Variants in CUX2 observed in about 807,000 individuals in gnomAD.
CUX2 encodes the protein cut like homeobox 2.
CUX2 carries 40 observed loss-of-function variants against 144.8 expected under a neutral mutation model. That is an observed-to-expected ratio of 0.28 (90% CI 0.21 to 0.36). The LOEUF (loss-of-function observed/expected upper bound fraction) is 0.36. CUX2 is among the 10% of genes least tolerant of loss of function. The pLI is 1.00. For missense variants in CUX2, 1,615 were observed against 1,994.0 expected (o/e 0.81, Z 3.62); for synonymous variants, 827 against 875.6 (o/e 0.94, Z 0.98).
intron 1 of CUX2, among the ~76,000 whole-genome samples, chr12:111,093,031 G>A (rs547115882): frequency 6.6e-6 from 1 of 152,048 alleles, no homozygotes; most frequent in African/African-American, 2.4e-5. Context: ...GCCCAGGCTG[G>A]TCTCGAATTC....
At chr12:111,142,040 C>T (rs995800156) in intron 1 of CUX2, among the ~76,000 whole-genome samples, 7 of 152,054 alleles carry the variant, frequency 4.6e-5, no homozygotes, top group Admixed American at 6.6e-5. Flanking sequence ...GCCAAGATCA[C>T]GCCACTGCAC....
chr12:111,111,024 A>G (rs7297168), intron 1 of CUX2, among the ~76,000 whole-genome samples: 8,289 of 152,284 alleles, frequency 0.054, 743 homozygotes, highest in African/African-American at 0.19. Flanking sequence ...GCTTTTGGCC[A>G]GGCACAGTGG....
intron 1 of CUX2, among the ~76,000 whole-genome samples, chr12:111,070,298 A>G (rs1871200078): frequency 6.6e-6 from 1 of 152,010 alleles, no homozygotes; most frequent in African/African-American, 2.4e-5. Context: ...CGTTGTTAAC[A>G]CTATCTATGG....
At position 111,091,725 on chromosome 12, in the gene CUX2, G is replaced by A. The variant is rs191765863; in HGVS notation, c.63+57485G>A. Among the ~76,000 whole-genome samples the A allele has an allele frequency of 5.9e-5, 9 of 152,258 alleles. No homozygotes were observed. The East Asian group carries it at 1.7e-3, about 29-fold the overall frequency. On this transcript the variant is annotated intron_variant, in intron 1 of 21. Transcript: ENST00000261726. The stretch of plus-strand genomic sequence containing the variant: ...AAGTCCAAGATCAAGGTGTCTGCAG[G>A]GCTGTGCTCCCTCTCCAGACTCCAG...
At chr12:111,315,124 G>T (rs1037719712) in intron 16 of CUX2, among the ~76,000 whole-genome samples, 2 of 152,078 alleles carry the variant, frequency 1.3e-5, no homozygotes, top group Non-Finnish European at 2.9e-5. Flanking sequence ...AAATACAAAG[G>T]TTATTGCCCC....
chr12:111,297,810 G>A (rs1458374483), intron 8 of CUX2, among the ~76,000 whole-genome samples: 1 of 152,144 alleles, frequency 6.6e-6, no homozygotes, highest in Non-Finnish European at 1.5e-5. Flanking sequence ...GAGCACTTAC[G>A]GTATGCCCAG....
At chr12:111,074,354 A>T (rs1190740732) in intron 1 of CUX2, among the ~76,000 whole-genome samples, 2 of 152,118 alleles carry the variant, frequency 1.3e-5, no homozygotes, top group African/African-American at 2.4e-5. Context: ...CAGGTGATTC[A>T]GAGCCAAAGA....
At position 111,255,082 on chromosome 12, in the gene CUX2, C is replaced by T. The variant is rs1883747483; in HGVS notation, c.223-8679C>T. The stretch of plus-strand genomic sequence containing the variant: ...GAACTCCTGACCACAGATGATCCCT[C>T]CGCCTCGGCCTCCCAAAGTGCTGGG... On this transcript the variant is annotated intron_variant, in intron 3 of 21. Transcript: ENST00000261726. The surrounding 1 kb of genome is among the most constrained non-coding windows in gnomAD (Gnocchi z 4.1). 6.6e-6 allele frequency among the ~76,000 whole-genome samples: 1 copy of T among 152,188 alleles called. No homozygotes were observed. Among genetic ancestry groups the T allele is most frequent in the African/African-American group, 2.4e-5 (1 of 41,444 alleles).
chr12:111,334,495 C>T lies in CUX2; in HGVS notation c.2981C>T (p.Pro994Leu). 6.2e-7 allele frequency: 1 copy of T among 1,613,686 alleles called. No homozygotes were observed. Among genetic ancestry groups the T allele is most frequent in the Non-Finnish European group, 8.5e-7 (1 of 1,179,826 alleles). Residue 994 changes from proline to leucine, a missense_variant, in exon 19 of 22, where the codon CCT becomes CTT. Pro to Leu is a moderately conservative substitution (Grantham distance 98). Around this residue, in one of 12 missense-constraint regions of CUX2, gnomAD observed 128 missense variants for 124.4 expected, o/e 1.03. Transcript: ENST00000261726. The stretch of plus-strand genomic sequence containing the variant: ...TCCCCACCCCCCAGCCCCACAGAGC[C>T]TGAGAAGAGCTCCCAGGAGCCGTTG... ...SPSPPPSPTE[P>L]EKSSQEPLSL...
chr12:111,221,128 A>T (rs142094870), intron 3 of CUX2, among the ~76,000 whole-genome samples: 20 of 152,308 alleles, frequency 1.3e-4, no homozygotes, highest in African/African-American at 4.6e-4. Flanking sequence ...ATGCTGCTTT[A>T]ATAGCTGGAG....
chr12:111,285,789 C>T (rs1885350196), intron 4 of CUX2, among the ~76,000 whole-genome samples: 1 of 152,220 alleles, frequency 6.6e-6, no homozygotes, highest in Non-Finnish European at 1.5e-5. Flanking sequence ...AGGGCCTTGG[C>T]CGTTAGGACT....
Position 111,246,698 on chromosome 12 carries a change from G to C in CUX2, c.223-17063G>C, listed in dbSNP as rs762471587. Among the ~76,000 whole-genome samples, 1 of 152,180 alleles carries C rather than the reference G, an allele frequency of 6.6e-6. No individual in the cohort carries two copies. Among genetic ancestry groups the C allele is most frequent in the Non-Finnish European group, 1.5e-5 (1 of 68,036 alleles). On this transcript the variant is annotated intron_variant, in intron 3 of 21. Coordinates refer to ENST00000261726, the MANE Select transcript of CUX2 (RefSeq NM_015267.4). This position sits in a 1 kb window ranked among gnomAD's most constrained non-coding sequence, Gnocchi z 4.0. The stretch of plus-strand genomic sequence containing the variant: ...GTTGGACTTAGAGGAATGGACTGTG[G>C]GTGTTGTCTGGCAAGGCGAGGTCCT...
At chr12:111,343,745 C>T (rs543378167) in intron 21 of CUX2, among the ~76,000 whole-genome samples, 8 of 152,286 alleles carry the variant, frequency 5.3e-5, no homozygotes, top group South Asian at 4.1e-4. Flanking sequence ...AATGAAATAA[C>T]TCTGGGTATA....
intron 3 of CUX2, among the ~76,000 whole-genome samples, chr12:111,238,391 G>C (rs1038926760): frequency 6.6e-6 from 1 of 152,200 alleles, no homozygotes; most frequent in African/African-American, 2.4e-5. Context: ...CATTGCTGTA[G>C]CCGTTTCTAT....
At chr12:111,319,668 G>T (rs1480409628) in intron 16 of CUX2, among the ~76,000 whole-genome samples, 1 of 152,212 alleles carries the variant, frequency 6.6e-6, no homozygotes, top group Non-Finnish European at 1.5e-5. Flanking sequence ...GGAGGCAGAG[G>T]TTGCAGTGAG....
chr12:111,229,435 G>A (rs937269554), intron 3 of CUX2, among the ~76,000 whole-genome samples: 2 of 152,214 alleles, frequency 1.3e-5, no homozygotes, highest in African/African-American at 4.8e-5. Context: ...CAGGAATCAG[G>A]CCCAGAGAGG....
intron 4 of CUX2, among the ~76,000 whole-genome samples, chr12:111,284,054 C>T (rs1035742430): frequency 2.6e-5 from 4 of 152,130 alleles, no homozygotes; most frequent in African/African-American, 7.2e-5. Flanking sequence ...CTCTCCTTCC[C>T]CTCTTTCTTT....
chr12:111,317,768 G>A (rs1385396253), intron 16 of CUX2, among the ~76,000 whole-genome samples: 7 of 152,106 alleles, frequency 4.6e-5, no homozygotes, highest in African/African-American at 1.7e-4. Context: ...GGCCAAGGTG[G>A]GCAGATCATT....
At chr12:111,118,839 T>C (rs1339636132) in intron 1 of CUX2, among the ~76,000 whole-genome samples, 1 of 152,210 alleles carries the variant, frequency 6.6e-6, no homozygotes, top group African/African-American at 2.4e-5. Flanking sequence ...TCTGATTTAA[T>C]TGGTCTGGGG....
Sources: gnomAD v4.1 joint callset for allele counts (sites outside exome capture counted in the v4.1 genomes callset) on GRCh38, gnomAD v4.1.1 for gene constraint, gnomAD v4.1.1 regional missense constraint, Gnocchi (gnomAD v3.1) non-coding constraint, MANE v1.5 for transcripts, NCBI Gene and HGNC (gene_info 2026-07-23, HGNC 2026-07-21) for gene names.